SLC13A1: variants seen among roughly 807,000 people sequenced by gnomAD.
SLC13A1 encodes the protein solute carrier family 13 member 1.
In SLC13A1, 65 loss-of-function variants were observed where a neutral mutation model predicts 70.0. That is an observed-to-expected ratio of 0.93 (90% CI 0.76 to 1.14). The LOEUF is 1.14. Among genes scored for constraint, SLC13A1 ranks in the 50% most tolerant of loss-of-function variants. SLC13A1 has a pLI of 0.00. For missense variants in SLC13A1, 726 were observed against 717.8 expected (o/e 1.01, Z -0.13); for synonymous variants, 275 against 250.5 (o/e 1.10, Z -0.92).
chr7:123,122,369 A>G (rs1793410959), intron 12 of SLC13A1, among the ~76,000 whole-genome samples: 1 of 152,150 alleles, frequency 6.6e-6, no homozygotes, highest in Non-Finnish European at 1.5e-5. Flanking sequence ...AATATTTCAA[A>G]TAAGTCTATG....
intron 8 of SLC13A1, among the ~76,000 whole-genome samples, 187 bp from the exon 9 acceptor site, chr7:123,129,668 T>TTG (rs1192318123): frequency 6.6e-6 from 1 of 152,134 alleles, no homozygotes; most frequent in East Asian, 1.9e-4. Context: ...TTTTGAATGT[T>TTG]TTCTGTCTTT....
intron 1 of SLC13A1, among the ~76,000 whole-genome samples, chr7:123,196,628 T>A (rs1796193917): frequency 6.6e-6 from 1 of 151,986 alleles, no homozygotes; most frequent in Admixed American, 6.6e-5. Context: ...GCAAATGACA[T>A]CCTTATAGCT....
chr7:123,171,382 T>C (rs1795267201), intron 3 of SLC13A1, among the ~76,000 whole-genome samples: 1 of 152,204 alleles, frequency 6.6e-6, no homozygotes, highest in Non-Finnish European at 1.5e-5. Context: ...TCCCTGATGA[T>C]AAAGGATGCT....
intron 1 of SLC13A1, among the ~76,000 whole-genome samples, chr7:123,181,427 AATGC>A (rs775341229): frequency 2.0e-5 from 3 of 152,082 alleles, no homozygotes; most frequent in Non-Finnish European, 4.4e-5. Flanking sequence ...TGGCCTATAA[AATGC>A]ACTCCCCCAT....
chr7:123,142,660 G>GAGTCTTACTCTATAGCCC (rs140530822), intron 7 of SLC13A1, among the ~76,000 whole-genome samples: 1 of 132,690 alleles, frequency 7.5e-6, no homozygotes, highest in South Asian at 2.4e-4. Flanking sequence ...TTTTTTGATG[G>GAGTCTTACTCTATAGCCC]AGGCTGGAGT....
chr7:123,164,342 G>T (rs966518249), intron 6 of SLC13A1, among the ~76,000 whole-genome samples: 1 of 151,672 alleles, frequency 6.6e-6, no homozygotes, highest in Non-Finnish European at 1.5e-5. Flanking sequence ...GTATGTTATT[G>T]CCTTTGGGGA....
At chr7:123,143,585 G>A (rs115195896) in intron 7 of SLC13A1, among the ~76,000 whole-genome samples, 2,167 of 152,222 alleles carry the variant, frequency 0.014, 27 homozygotes, top group East Asian at 0.027. Context: ...GCAACATGCT[G>A]CCACTGCCAG....
In SLC13A1 at chr7:123,127,238, T is replaced by C. The variant is rs369651148; in HGVS notation, c.1134-1563A>G. On this transcript the variant is annotated intron_variant, in intron 10 of 14. Transcript: ENST00000194130. ...AAACCTTTGTTCCTTTCTTATTGTT[T>C]TCTCTCAGAATTGTAGGTGGCATGA... Among the ~76,000 whole-genome samples the C allele has an allele frequency of 5.9e-5, 9 of 152,238 alleles. 2 individuals carry two copies. The highest frequency in any genetic ancestry group is 6.5e-5 in the Admixed American group (1 of 15,288).
chr7:123,142,790 G>A (rs1794203978), intron 7 of SLC13A1, among the ~76,000 whole-genome samples: 1 of 151,722 alleles, frequency 6.6e-6, no homozygotes, highest in Non-Finnish European at 1.5e-5. Flanking sequence ...GCTAATTTTT[G>A]TATTTTTAAG....
intron 1 of SLC13A1, among the ~76,000 whole-genome samples, chr7:123,189,930 T>A (rs1379439578): frequency 1.3e-5 from 2 of 152,222 alleles, no homozygotes; most frequent in South Asian, 2.1e-4. Flanking sequence ...TCATCTTTTT[T>A]AAAAAAATTC....
chr7:123,129,530 C>T (rs142269005), intron 8 of SLC13A1, 49 bp from the exon 9 acceptor site: 4 of 1,361,974 alleles, frequency 2.9e-6, no homozygotes, highest in Non-Finnish European at 4.2e-6. Flanking sequence ...TTACTACCAC[C>T]TCCCTGTAAG....
At chr7:123,127,494 A>T (rs1793600393) in intron 10 of SLC13A1, among the ~76,000 whole-genome samples, 1 of 152,114 alleles carries the variant, frequency 6.6e-6, no homozygotes, top group Non-Finnish European at 1.5e-5. Flanking sequence ...GGGAAGCATT[A>T]TTTTTTATGT....
In SLC13A1 at chr7:123,147,432, A is replaced by C. The variant is rs986340139; in HGVS notation, c.661-122T>G. ...AAACCCTAACTCCTGATGTGATTGTATTTGGCAATGGGGCATTTGGAAGAT... is the reference window on the plus strand; with the variant it reads ...AAACCCTAACTCCTGATGTGATTGTCTTTGGCAATGGGGCATTTGGAAGAT... On this transcript the variant is annotated intron_variant, in intron 6 of 14. Transcript: ENST00000194130. The C allele has an allele frequency of 1.3e-5, 15 of 1,147,242 alleles. No individual in the cohort carries two copies. The African/African-American group carries it at 2.2e-4, about 17-fold the overall frequency. The allele number at this position is 1,147,242 out of a possible 1,614,324, so 71.1% of individuals were successfully genotyped here.
At chr7:123,135,531 G>A (rs1793923277) in intron 7 of SLC13A1, among the ~76,000 whole-genome samples, 1 of 152,032 alleles carries the variant, frequency 6.6e-6, no homozygotes, top group Admixed American at 6.6e-5. Flanking sequence ...CATAAAATAT[G>A]TAGAACTTTA....
chr7:123,126,836 A>G (rs900744240), intron 10 of SLC13A1, among the ~76,000 whole-genome samples: 1 of 152,054 alleles, frequency 6.6e-6, no homozygotes, highest in African/African-American at 2.4e-5. Context: ...TGGGCCAGGC[A>G]TCATGTAACC....
chr7:123,159,903 G>A (rs1585351253), intron 6 of SLC13A1, among the ~76,000 whole-genome samples: 2 of 152,052 alleles, frequency 1.3e-5, no homozygotes, highest in East Asian at 3.9e-4. Context: ...TGAAAGGATA[G>A]AGGAAATGCC....
At chr7:123,124,329 C>G (rs372298643) in intron 11 of SLC13A1, among the ~76,000 whole-genome samples, 1 of 152,054 alleles carries the variant, frequency 6.6e-6, no homozygotes, top group African/African-American at 2.4e-5. Flanking sequence ...TCCTTGGGGT[C>G]CCATAGGAAT....
chr7:123,147,625 C>A (rs1427030443), intron 6 of SLC13A1, among the ~76,000 whole-genome samples: 4 of 152,092 alleles, frequency 2.6e-5, no homozygotes, highest in Non-Finnish European at 5.9e-5. Context: ...CCTCACCAGA[C>A]ACTGACCCTG....
chr7:123,159,795 A>G (rs1794825277), intron 6 of SLC13A1, among the ~76,000 whole-genome samples: 1 of 152,200 alleles, frequency 6.6e-6, no homozygotes, highest in Admixed American at 6.5e-5. Context: ...AATGTCACAA[A>G]TAATTTAAAT....
Sources: allele counts gnomAD v4.1 joint callset (sites outside exome capture counted in the v4.1 genomes callset), GRCh38; gene constraint gnomAD v4.1.1; transcripts MANE v1.5; gene names NCBI Gene and HGNC (gene_info 2026-07-23, HGNC 2026-07-21).